Variants in ZRANB3 observed in about 807,000 individuals in gnomAD.
ZRANB3 encodes the protein DNA annealing helicase and endonuclease ZRANB3.
In ZRANB3, 125 loss-of-function variants were observed where a neutral mutation model predicts 133.8. That is an observed-to-expected ratio of 0.93 (90% CI 0.81 to 1.08). ZRANB3 has a LOEUF of 1.08. ZRANB3 is among the 50% of genes least tolerant of loss of function. The probability of loss-of-function intolerance (pLI) is 0.00; values close to 1 mark genes in which losing one functional copy is unlikely to be tolerated. For missense variants in ZRANB3, 1,229 were observed against 1,275.5 expected, an observed-to-expected ratio of 0.96 and a Z score of 0.56; for synonymous variants, 387 against 432.7, an observed-to-expected ratio of 0.89 and a Z score of 1.31.
intron 2 of ZRANB3, among the ~76,000 whole-genome samples, chr2:135,428,511 TTAAC>T (rs1353614367): frequency 1.3e-5 from 2 of 150,620 alleles, no homozygotes; most frequent in East Asian, 3.9e-4. Context: ...TGGGACCTAA[TTAAC>T]TAAGGAGATT....
chr2:135,310,541 C>T (rs1178423110), intron 8 of ZRANB3, among the ~76,000 whole-genome samples: 1 of 151,984 alleles, frequency 6.6e-6, no homozygotes, highest in African/African-American at 2.4e-5. Context: ...GTTTATAGAC[C>T]TACATCTAAG....
intron 13 of ZRANB3, chr2:135,228,276 G>T: frequency 3.9e-5 from 9 of 232,192 alleles, no homozygotes; most frequent in South Asian, 7.9e-5. Context: ...TAGGTAAATA[G>T]TATATTTTCA....
chr2:135,267,495 C>T (rs1680305816), intron 11 of ZRANB3, among the ~76,000 whole-genome samples: 1 of 151,992 alleles, frequency 6.6e-6, no homozygotes. Flanking sequence ...TCAATCATCT[C>T]TCTTAATGGC....
intron 2 of ZRANB3, among the ~76,000 whole-genome samples, chr2:135,483,679 T>C (rs969602806): frequency 6.6e-6 from 1 of 152,096 alleles, no homozygotes; most frequent in Non-Finnish European, 1.5e-5. Flanking sequence ...GCTCTTGCTT[T>C]TCTAGTTCTT....
intron 1 of ZRANB3, among the ~76,000 whole-genome samples, chr2:135,508,427 G>A (rs971410878): frequency 3.9e-5 from 6 of 152,042 alleles, no homozygotes; most frequent in African/African-American, 9.7e-5. Flanking sequence ...GTGAGCCACC[G>A]CACCTGGCCA....
chr2:135,313,352 T>G (rs1398319872), intron 8 of ZRANB3, 137 bp downstream of exon 8: 2 of 488,756 alleles, frequency 4.1e-6, no homozygotes, highest in African/African-American at 2.9e-5. Flanking sequence ...GGCTCCCAAC[T>G]CAAAAAAAAA....
chr2:135,297,471 C>G (rs1056674307), intron 8 of ZRANB3, among the ~76,000 whole-genome samples: 1 of 152,230 alleles, frequency 6.6e-6, no homozygotes, highest in Admixed American at 6.5e-5. Context: ...CAGGTGCCGT[C>G]TGTCACCCGT....
chr2:135,483,414 T>C (rs1691931870), intron 2 of ZRANB3, among the ~76,000 whole-genome samples: 1 of 152,188 alleles, frequency 6.6e-6, no homozygotes. Context: ...TAGAGGTGTT[T>C]GTAGTATTCT....
At chr2:135,463,897 T>C (rs1306433121) in intron 2 of ZRANB3, among the ~76,000 whole-genome samples, 1 of 152,204 alleles carries the variant, frequency 6.6e-6, no homozygotes, top group African/African-American at 2.4e-5. Context: ...GACAATCAAG[T>C]ACATTGACCC....
chr2:135,318,458 A>G (rs1683364164), intron 6 of ZRANB3, among the ~76,000 whole-genome samples: 1 of 152,176 alleles, frequency 6.6e-6, no homozygotes, highest in African/African-American at 2.4e-5. Flanking sequence ...AATCACTTAG[A>G]TCTTTATGTA....
intron 1 of ZRANB3, among the ~76,000 whole-genome samples, chr2:135,509,050 A>G (rs559286068): frequency 2.6e-5 from 4 of 152,238 alleles, no homozygotes; most frequent in African/African-American, 9.6e-5. Context: ...TTAAAAAAAA[A>G]TTTTCTTCCA....
At chr2:135,508,993 T>C (rs936414782) in intron 1 of ZRANB3, among the ~76,000 whole-genome samples, 8 of 152,054 alleles carry the variant, frequency 5.3e-5, no homozygotes, top group Non-Finnish European at 1.2e-4. Flanking sequence ...AATTTACTTA[T>C]AGCAAGGCGG....
intron 3 of ZRANB3, among the ~76,000 whole-genome samples, chr2:135,376,187 C>T (rs775116744): frequency 6.6e-6 from 1 of 152,154 alleles, no homozygotes; most frequent in Non-Finnish European, 1.5e-5. Flanking sequence ...CAGATTATCC[C>T]TCGGAAACAT....
intron 2 of ZRANB3, among the ~76,000 whole-genome samples, chr2:135,429,912 G>A (rs1689246027): frequency 6.6e-6 from 1 of 152,182 alleles, no homozygotes; most frequent in Non-Finnish European, 1.5e-5. Context: ...GCTGGGCCTG[G>A]TGTCTTATGT....
intron 8 of ZRANB3, among the ~76,000 whole-genome samples, chr2:135,297,056 C>T (rs1682160683): frequency 6.6e-6 from 1 of 152,232 alleles, no homozygotes; most frequent in East Asian, 1.9e-4. Flanking sequence ...TCTGCCCATT[C>T]TCAGATCTCA....
intron 2 of ZRANB3, among the ~76,000 whole-genome samples, chr2:135,411,892 T>C (rs565049775): frequency 9.2e-5 from 14 of 152,238 alleles, no homozygotes; most frequent in Admixed American, 2.6e-4. Flanking sequence ...AACCCATACA[T>C]GTACCCCTCT....
intron 15 of ZRANB3, among the ~76,000 whole-genome samples, chr2:135,224,095 C>T (rs1431310800): frequency 6.6e-6 from 1 of 152,156 alleles, no homozygotes; most frequent in Non-Finnish European, 1.5e-5. Flanking sequence ...TTGATACTGG[C>T]ATACAATGTG....
chr2:135,231,285 A>G (rs950524394), intron 12 of ZRANB3, among the ~76,000 whole-genome samples: 5 of 152,210 alleles, frequency 3.3e-5, no homozygotes, highest in African/African-American at 1.2e-4. Context: ...TGGTTAGAGC[A>G]GTTATATAAC....
At chr2:135,477,415 T>C (rs1433255346) in intron 2 of ZRANB3, among the ~76,000 whole-genome samples, 1 of 152,122 alleles carries the variant, frequency 6.6e-6, no homozygotes, top group African/African-American at 2.4e-5. Flanking sequence ...TCAATGGAGG[T>C]TATACAACAG....
Sources: allele counts gnomAD v4.1 joint callset (sites outside exome capture counted in the v4.1 genomes callset), GRCh38; gene constraint gnomAD v4.1.1; transcripts MANE v1.5; gene names NCBI Gene and HGNC (gene_info 2026-07-23, HGNC 2026-07-21).